The following UGT1A7 variants were observed in gnomAD, a reference collection of about 807,000 sequenced individuals.
UGT1A7 encodes UDP-glucuronosyltransferase 1A7.
In UGT1A7, 33 loss-of-function variants were observed where a neutral mutation model predicts 45.6. That is an observed-to-expected ratio of 0.72 (90% CI 0.55 to 0.97). The LOEUF (loss-of-function observed/expected upper bound fraction) is 0.97, where lower values mean the gene tolerates loss of function less well. Among genes scored for constraint, UGT1A7 ranks in the 50% least tolerant of loss-of-function variants. The pLI is 0.00. For synonymous variants in UGT1A7, 274 were observed against 250.6 expected, an observed-to-expected ratio of 1.09 and a Z score of -0.88; for missense variants, 684 against 666.2, an observed-to-expected ratio of 1.03 and a Z score of -0.29.
In UGT1A7 at chr2:233,681,948, C is replaced by G. The variant is rs896900111; in HGVS notation, c.11C>G (p.Ala4Gly). Residue 4 changes from alanine (A) to glycine (G), a missense_variant, in exon 1 of 5, where the codon GCA becomes GGA. Coordinates refer to ENST00000373426, the MANE Select transcript of UGT1A7 (RefSeq NM_019077.3). Reference protein sequence around the residue: MARAGWTGLLPLYV... With the variant: MARGGWTGLLPLYV... ...GGCTGAAGTTCTCTGATGGCTCGTG[C>G]AGGGTGGACTGGCCTCCTTCCCCTA... 1.2e-6 allele frequency: 2 copies of G among 1,613,230 alleles called. No homozygotes were observed.
chr2:233,771,969 G>T (rs1040138861), intron 4 of UGT1A7, among the ~76,000 whole-genome samples: 1 of 152,096 alleles, frequency 6.6e-6, no homozygotes, highest in Non-Finnish European at 1.5e-5. Context: ...TTAAAAATTG[G>T]CCAGACATAG....
At position 233,739,624 on chromosome 2, in the gene UGT1A7, T is replaced by A. The variant is rs572450028; in HGVS notation, c.856-27410T>A. On this transcript the variant is annotated intron_variant, in intron 1 of 4. Transcript: ENST00000373426. ...TTTGTTTTGGCCAGTTTCTCCCATT[T>A]GAAATGGGAACATTTACCCAATTTC... is the stretch of plus-strand genomic sequence containing the variant. 4.6e-5 allele frequency among the ~76,000 whole-genome samples: 7 copies of A among 152,364 alleles called. No individual in the cohort carries two copies. The East Asian group carries it at 1.2e-3, about 25-fold the overall frequency.
At chr2:233,754,596 T>C (rs1463963826) in intron 1 of UGT1A7, 2 of 431,834 alleles carry the variant, frequency 4.6e-6, no homozygotes, top group Non-Finnish European at 9.3e-6. Context: ...TGAAGGACTT[T>C]AACTCAACTC....
intron 1 of UGT1A7, among the ~76,000 whole-genome samples, chr2:233,763,291 T>C (rs1222576175): frequency 6.6e-6 from 1 of 152,232 alleles, no homozygotes; most frequent in Non-Finnish European, 1.5e-5. Context: ...AAATTCCACT[T>C]TTTGGATATT....
rs562393404 is a variant in UGT1A7 at position 233,695,404 on chromosome 2, G to A, written c.855+12612G>A. 3.3e-5 allele frequency among the ~76,000 whole-genome samples: 5 copies of A among 150,554 alleles called. No individual in the cohort carries two copies. The East Asian group carries it at 7.7e-4, about 23-fold the overall frequency. ...CTCCCAAAGTGCTGGGATTACAGGC[G>A]TGAGCTACCGCGCCCGGCCTTCTTC... On this transcript the variant is annotated intron_variant, in intron 1 of 4. Coordinates refer to ENST00000373426, the MANE Select transcript of UGT1A7 (RefSeq NM_019077.3).
chr2:233,683,338 A>T (rs2074629044), intron 1 of UGT1A7, among the ~76,000 whole-genome samples: 1 of 152,170 alleles, frequency 6.6e-6, no homozygotes, highest in Admixed American at 6.5e-5. Flanking sequence ...TAATAATTGC[A>T]TGGTAGTCTT....
chr2:233,746,667 C>A (rs4663969), intron 1 of UGT1A7, among the ~76,000 whole-genome samples: 68,357 of 151,262 alleles, frequency 0.45, 16,045 homozygotes, highest in South Asian at 0.58. Context: ...GAGTTCCTAG[C>A]ATAGTAGGTA....
chr2:233,730,367 A>T (rs2078022058), intron 1 of UGT1A7, among the ~76,000 whole-genome samples: 1 of 152,122 alleles, frequency 6.6e-6, no homozygotes, highest in Admixed American at 6.5e-5. Context: ...TGCTAGCATG[A>T]TTTTCAGGGG....
chr2:233,770,182 A>T (rs778207496), intron 4 of UGT1A7: 1 of 152,262 alleles, frequency 6.6e-6, no homozygotes, highest in Non-Finnish European at 1.5e-5. Flanking sequence ...CAACTTATTA[A>T]CTAACTTTCA....
At chr2:233,698,440 A>G (rs996104849) in intron 1 of UGT1A7, among the ~76,000 whole-genome samples, 1 of 152,260 alleles carries the variant, frequency 6.6e-6, no homozygotes, top group African/African-American at 2.4e-5. Context: ...AAGAAGATAT[A>G]TCACAGATCA....
chr2:233,772,593 C>A lies in UGT1A7; in HGVS notation c.*34C>A. The A allele has an allele frequency of 2.5e-6, 4 of 1,598,604 alleles. No individual in the cohort carries two copies. Among genetic ancestry groups the A allele is most frequent in the Non-Finnish European group, 3.4e-6 (4 of 1,171,794 alleles). On this transcript the variant is annotated 3_prime_UTR_variant, in exon 5 of 5. Transcript: ENST00000373426. The stretch of plus-strand genomic sequence containing the variant: ...TGGGAAATAAGGTAAAATTTTGAAC[C>A]ATTCCCTAGTCATTTCCAAACTTGA...
intron 1 of UGT1A7, among the ~76,000 whole-genome samples, chr2:233,704,144 G>T (rs2075769955): frequency 6.6e-6 from 1 of 151,886 alleles, no homozygotes; most frequent in Admixed American, 6.6e-5. Context: ...ACCCGCCTCA[G>T]CCTTTCAAAG....
At chr2:233,753,385 T>G (rs1695193775) in intron 1 of UGT1A7, 2 of 152,290 alleles carry the variant, frequency 1.3e-5, no homozygotes, top group South Asian at 4.1e-4. Flanking sequence ...GATTGGACTC[T>G]GAGGGTACTA....
rs769051709 is a variant in UGT1A7, at chr2:233,682,455, T to C, written c.518T>C (p.Phe173Ser). The change falls in exon 1 of 5, where the codon TTT becomes TCT. Residue 173 changes from phenylalanine to serine, a missense_variant. Phe to Ser is a radical substitution (Grantham distance 155). Transcript: ENST00000373426. ...LPSVVFARGI[F>S]CHYLEEGAQC... The stretch of plus-strand genomic sequence containing the variant: ...TCTGTGGTCTTCGCCAGGGGAATAT[T>C]TTGCCACTATCTTGAAGAAGGTGCA... The C allele has an allele frequency of 3.7e-6, 6 of 1,613,820 alleles. No individual in the cohort carries two copies.
At chr2:233,725,167 G>A (rs112233788) in intron 1 of UGT1A7, among the ~76,000 whole-genome samples, 4,177 of 75,252 alleles carry the variant, frequency 0.056, 411 homozygotes, top group African/African-American at 0.13. Flanking sequence ...TGCATGAGAG[G>A]GAGACCGTGG....
chr2:233,708,692 A>C (rs1281876444), intron 1 of UGT1A7: 3 of 152,284 alleles, frequency 2.0e-5, no homozygotes, highest in Non-Finnish European at 4.4e-5. Context: ...TCAAGGTTCC[A>C]GTGAGCTATG....
At chr2:233,743,412 T>C (rs1692284250) in intron 1 of UGT1A7, 48 of 1,321,888 alleles carry the variant, frequency 3.6e-5, no homozygotes, top group Non-Finnish European at 4.8e-5. Flanking sequence ...GGCCCCCACT[T>C]CCCAGGGAGC....
At chr2:233,718,851 C>G in intron 1 of UGT1A7, 1 of 1,613,708 alleles carries the variant, frequency 6.2e-7, no homozygotes. Context: ...TCCCCTGCCG[C>G]GGCTGGCCAC....
At chr2:233,697,382 C>G (rs576473887) in intron 1 of UGT1A7, among the ~76,000 whole-genome samples, 1 of 152,024 alleles carries the variant, frequency 6.6e-6, no homozygotes, top group Non-Finnish European at 1.5e-5. Flanking sequence ...TCACAATAAT[C>G]GCTAATGATC....
Sources: allele counts gnomAD v4.1 joint callset (sites outside exome capture counted in the v4.1 genomes callset), GRCh38; gene constraint gnomAD v4.1.1; transcripts MANE v1.5; gene names NCBI Gene and HGNC (gene_info 2026-07-23, HGNC 2026-07-21).